TARS3: variants seen among roughly 807,000 people sequenced by gnomAD.
The protein encoded by TARS3 is threonyl-tRNA synthetase 3.
In TARS3, 94 loss-of-function variants were observed where a neutral mutation model predicts 103.5. The ratio of observed to expected loss-of-function variants is 0.91; its 90% CI spans 0.77 to 1.08. TARS3 has a LOEUF of 1.08. TARS3 is among the 50% of genes least tolerant of loss of function. The probability of loss-of-function intolerance (pLI) is 0.00; values close to 1 mark genes in which losing one functional copy is unlikely to be tolerated. For synonymous variants in TARS3, 416 were observed against 355.4 expected, an observed-to-expected ratio of 1.17 and a Z score of -1.92; for missense variants, 952 against 995.2, an observed-to-expected ratio of 0.96 and a Z score of 0.58.
At chr15:101,656,046 T>C in intron 18 of TARS3, 1 of 1,289,172 alleles carries the variant, frequency 7.8e-7, no homozygotes, top group South Asian at 1.2e-5. Context: ...ATAAGGTAGA[T>C]ATTCAAGAGA....
rs148543655 is a variant in TARS3 at position 101,665,143 on chromosome 15, G to A, written c.1968-3327C>T. 2.8e-3 allele frequency among the ~76,000 whole-genome samples: 429 copies of A among 152,282 alleles called. 2 individuals carry two copies. Among genetic ancestry groups the A allele is most frequent in the African/African-American group, 9.8e-3 (408 of 41,540 alleles). Reference sequence around the variant, plus strand: ...AAGGTCTAATATTCAGGTCACCTGCGTCCCAGAAGGAGCGGAGGTATAGTA... The same window carrying A: ...AAGGTCTAATATTCAGGTCACCTGCATCCCAGAAGGAGCGGAGGTATAGTA... On this transcript the variant is annotated intron_variant, in intron 15 of 18. Coordinates refer to ENST00000335968, the MANE Select transcript of TARS3 (RefSeq NM_152334.3).
At chr15:101,688,103 G>A (rs1475557119) in intron 10 of TARS3, among the ~76,000 whole-genome samples, 1 of 152,046 alleles carries the variant, frequency 6.6e-6, no homozygotes, top group Non-Finnish European at 1.5e-5. Context: ...ATATATAGGA[G>A]ATATCTATAT....
At chr15:101,673,873 T>G (rs962004339) in intron 13 of TARS3, among the ~76,000 whole-genome samples, 2 of 152,146 alleles carry the variant, frequency 1.3e-5, no homozygotes, top group East Asian at 3.9e-4. Context: ...TAAAAATAAT[T>G]GTTATACTAT....
rs761622356 is a variant in TARS3 at position 101,702,330 on chromosome 15, T to C, written c.1130A>G (p.Tyr377Cys). The C allele has an allele frequency of 3.7e-6, 6 of 1,613,754 alleles. No individual in the cohort carries two copies. In the South Asian group the frequency reaches 5.5e-5, roughly 15 times the overall value. The change falls in exon 9 of 19, where the codon TAT (tyrosine) becomes TGT (cysteine). Residue 377 changes from tyrosine to cysteine, a missense_variant. Physicochemically the swap from Tyr to Cys is radical, Grantham distance 194 (BLOSUM62 -2). Coordinates refer to ENST00000335968, the MANE Select transcript of TARS3 (RefSeq NM_152334.3). ...NPEMETLQRI[Y>C]GISFPDNKMM... ...CTTGTTATCAGGAAAGGATATTCCATAGATCCTCTGCAATGTTTCCATTTC... is the reference window on the plus strand; with the variant it reads ...CTTGTTATCAGGAAAGGATATTCCACAGATCCTCTGCAATGTTTCCATTTC...
At position 101,675,582 on chromosome 15, in the gene TARS3, A is replaced by G. The variant is rs1897987592; in HGVS notation, c.1788+18T>C. The G allele has an allele frequency of 1.9e-6, 3 of 1,606,446 alleles. No individual in the cohort carries two copies. Among genetic ancestry groups the G allele is most frequent in the African/African-American group, 1.3e-5 (1 of 74,572 alleles). ...CATACGACTAAAATGAAGAGGAAGCACAAGGTGTGTCTCTTACCTTCTCAG... is the reference window on the plus strand; with the variant it reads ...CATACGACTAAAATGAAGAGGAAGCGCAAGGTGTGTCTCTTACCTTCTCAG... On this transcript the variant is annotated intron_variant, in intron 13 of 18. Transcript: ENST00000335968.
In TARS3 at chr15:101,705,729, G is replaced by A. The variant is rs767782381; in HGVS notation, c.949C>T (p.Arg317Cys). 40 of 1,609,778 alleles carry A rather than the reference G, an allele frequency of 2.5e-5. No individual in the cohort carries two copies. The highest frequency in any genetic ancestry group is 1.6e-4 in the Middle Eastern group (1 of 6,082). The change falls in exon 7 of 19, where the codon CGC (arginine) becomes TGC (cysteine). Residue 317 changes from arginine (R) to cysteine (C), a missense_variant. Physicochemically the swap from Arg to Cys is radical, Grantham distance 180 (BLOSUM62 -3). Transcript: ENST00000335968. The part of the protein sequence containing the change: ...EMFKYNKFKC[R>C]ILNEKVNTAT... ...GTGTTAACTTTCTCATTCAGAATGC[G>A]GCATTTAAATTTATTGTACTACGAA...
intron 15 of TARS3, chr15:101,664,495 T>C (rs1897502247): frequency 6.6e-6 from 1 of 152,228 alleles, no homozygotes; most frequent in Non-Finnish European, 1.5e-5. Flanking sequence ...GTATGACCTA[T>C]GGGACTTGGC....
At chr15:101,660,509 T>C (rs1039456556) in intron 16 of TARS3, among the ~76,000 whole-genome samples, 3 of 152,246 alleles carry the variant, frequency 2.0e-5, no homozygotes, top group African/African-American at 7.2e-5. Flanking sequence ...TAAGTACATA[T>C]TTGGTGCCAC....
chr15:101,676,333 G>A (rs1179030562), intron 12 of TARS3, among the ~76,000 whole-genome samples: 1 of 152,222 alleles, frequency 6.6e-6, no homozygotes, highest in Non-Finnish European at 1.5e-5. Context: ...TTCACAGTAT[G>A]TGGAATGAAC....
intron 10 of TARS3, among the ~76,000 whole-genome samples, chr15:101,698,080 T>C (rs547298229): frequency 1.3e-5 from 2 of 152,334 alleles, no homozygotes; most frequent in East Asian, 3.9e-4. Context: ...CTCACGCCTG[T>C]AATCCCAGCA....
chr15:101,711,873 G>C lies in TARS3; in HGVS notation c.812+7C>G. 2 of 1,613,526 alleles carry C rather than the reference G, an allele frequency of 1.2e-6. No individual in the cohort carries two copies. The highest frequency in any genetic ancestry group is 1.7e-6 in the Non-Finnish European group (2 of 1,179,612). Reference sequence around the variant, plus strand: ...ATGCATTCACAAGCCAGTATTCAGTGTGTTACCTGTCTTCAATGAACATGT... The same window carrying C: ...ATGCATTCACAAGCCAGTATTCAGTCTGTTACCTGTCTTCAATGAACATGT... On this transcript the variant is annotated splice_region_variant and intron_variant, in intron 5 of 18. Transcript: ENST00000335968.
At chr15:101,665,251 C>G (rs558465586) in intron 15 of TARS3, among the ~76,000 whole-genome samples, 152 of 152,314 alleles carry the variant, frequency 1.0e-3, no homozygotes, top group African/African-American at 3.5e-3. Flanking sequence ...ACAACATAGA[C>G]TTGAATAAGT....
rs181941710 is a variant in TARS3 at position 101,661,125 on chromosome 15, C to A, written c.2072+587G>T. Among the ~76,000 whole-genome samples, 41 of 152,164 alleles carry A rather than the reference C, an allele frequency of 2.7e-4. No individual in the cohort carries two copies. In the East Asian group the frequency reaches 2.9e-3, roughly 11 times the overall value. On this transcript the variant is annotated intron_variant, in intron 16 of 18. Coordinates refer to ENST00000335968, the MANE Select transcript of TARS3 (RefSeq NM_152334.3). ...AGGATGCACCACTCAAAAAGGACCA[C>A]AAGATGCACCACTCAAAAAAGACCA...
At position 101,724,333 on chromosome 15, in the gene TARS3, C is replaced by A; in HGVS notation, c.55G>T (p.Glu19Ter). 6.4e-7 allele frequency: 1 copy of A among 1,561,644 alleles called. No individual in the cohort carries two copies. Residue 19 changes from glutamate to a stop codon, truncating the protein, a stop_gained, in exon 1 of 19, where the codon GAG becomes TAG. Transcript: ENST00000335968. LOFTEE classifies it high-confidence loss of function. ...EAVASRLERQ[E>*]EDIRWLWSEV... ...GACCACAGCCAGCGGATGTCCTCCT[C>A]CTGCCGCTCCAGGCGCGACGCCACG...
At chr15:101,717,443 G>A (rs569131045) in intron 3 of TARS3, among the ~76,000 whole-genome samples, 1 of 152,330 alleles carries the variant, frequency 6.6e-6, no homozygotes, top group South Asian at 2.1e-4. Context: ...GGCTGTCATA[G>A]ATGGCTAGTG....
chr15:101,715,149 G>GTTT (rs199577249), intron 3 of TARS3, among the ~76,000 whole-genome samples, 186 bp from the exon 4 acceptor site: 3 of 139,914 alleles, frequency 2.1e-5, no homozygotes, highest in Non-Finnish European at 3.1e-5. Context: ...TACATTCACT[G>GTTT]TTTTTTTTTT....
intron 15 of TARS3, among the ~76,000 whole-genome samples, chr15:101,665,368 AT>A (rs1187285671): frequency 6.6e-6 from 1 of 152,206 alleles, no homozygotes; most frequent in Admixed American, 6.5e-5. Flanking sequence ...GTGTAACAAT[AT>A]TTTTTGTTTT....
In TARS3 at chr15:101,675,700, T is replaced by A; in HGVS notation, c.1688A>T (p.Gln563Leu). The part of the protein sequence containing the change: ...EEIKGCLQFL[Q>L]SVYSTFGFSF... ...GAAGCCAAATGTTGAGTAAACAGATTGCAAAAACTGCAAACACCCCTTTAT... is the reference window on the plus strand; with the variant it reads ...GAAGCCAAATGTTGAGTAAACAGATAGCAAAAACTGCAAACACCCCTTTAT... The change falls in exon 13 of 19, where the codon CAA (glutamine) becomes CTA (leucine). Residue 563 changes from glutamine (Q) to leucine (L), a missense_variant. Transcript: ENST00000335968. 6.2e-7 allele frequency: 1 copy of A among 1,613,720 alleles called. No individual in the cohort carries two copies. Among genetic ancestry groups the A allele is most frequent in the Non-Finnish European group, 8.5e-7 (1 of 1,179,910 alleles).
At chr15:101,711,015 C>T (rs1477338584) in intron 5 of TARS3, among the ~76,000 whole-genome samples, 1 of 152,124 alleles carries the variant, frequency 6.6e-6, no homozygotes, top group Non-Finnish European at 1.5e-5. Flanking sequence ...GCTAACGATT[C>T]AAGCATAGGC....
Sources: allele counts gnomAD v4.1 joint callset (sites outside exome capture counted in the v4.1 genomes callset), GRCh38; gene constraint gnomAD v4.1.1; transcripts MANE v1.5; gene names NCBI Gene and HGNC (gene_info 2026-07-23, HGNC 2026-07-21).